IFIH1: variants seen among roughly 807,000 people sequenced by gnomAD.
IFIH1 encodes the protein interferon-induced helicase C domain-containing protein 1.
IFIH1 carries 125 observed loss-of-function variants against 107.4 expected under a neutral mutation model. The ratio of observed to expected loss-of-function variants is 1.16; its 90% confidence interval spans 1.01 to 1.35. The LOEUF (loss-of-function observed/expected upper bound fraction) is 1.35. Ranked by LOEUF, IFIH1 falls within the 40% of genes most tolerant of loss-of-function variation. The pLI, the probability that IFIH1 is intolerant of heterozygous loss-of-function variation, is 0.00. For missense variants in IFIH1, 1,333 were observed against 1,213.7 expected (o/e 1.10, Z -1.46); for synonymous variants, 458 against 413.2 (o/e 1.11, Z -1.31).
At chr2:162,290,275 A>T (rs1408888836) in intron 4 of IFIH1, among the ~76,000 whole-genome samples, 2 of 151,842 alleles carry the variant, frequency 1.3e-5, no homozygotes, top group African/African-American at 4.8e-5. Flanking sequence ...TTTTAATAAT[A>T]ATTTCCCCCA....
chr2:162,281,735 C>T (rs1031321563), intron 6 of IFIH1, among the ~76,000 whole-genome samples, 190 bp from the exon 7 acceptor site: 2 of 151,962 alleles, frequency 1.3e-5, no homozygotes, highest in Non-Finnish European at 2.9e-5. Context: ...TTCGTATATA[C>T]TAATCATGAA....
In IFIH1 at chr2:162,272,394, A is replaced by G; in HGVS notation, c.2455-7T>C. 1 of 1,609,314 alleles carries G rather than the reference A, an allele frequency of 6.2e-7. No individual in the cohort carries two copies. The highest frequency in any genetic ancestry group is 1.1e-5 in the South Asian group (1 of 90,686). ...CTCTGGCTCGACCACGGGCCTGAAAACACAAATAAATCAAGTAAATGAAAG... is the reference window on the plus strand; with the variant it reads ...CTCTGGCTCGACCACGGGCCTGAAAGCACAAATAAATCAAGTAAATGAAAG... On this transcript the variant is annotated splice_polypyrimidine_tract_variant and splice_region_variant and intron_variant, in intron 12 of 15. Transcript: ENST00000649979.
intron 6 of IFIH1, 87 bp downstream of exon 6, chr2:162,282,279 C>A: frequency 1.2e-6 from 1 of 817,598 alleles, no homozygotes; most frequent in Non-Finnish European, 1.9e-6. Flanking sequence ...ATTTAAGCCA[C>A]GAACATTTAA....
intron 13 of IFIH1, among the ~76,000 whole-genome samples, chr2:162,272,017 T>C (rs1301755430): frequency 6.6e-6 from 1 of 152,192 alleles, no homozygotes; most frequent in Non-Finnish European, 1.5e-5. Flanking sequence ...TGGTTGGTTT[T>C]ACTGGAATGA....
At chr2:162,297,026 G>C (rs16846585) in intron 3 of IFIH1, among the ~76,000 whole-genome samples, 19,177 of 151,768 alleles carry the variant, frequency 0.13, 2,814 homozygotes, top group African/African-American at 0.33. Context: ...ATACGTTTTT[G>C]CTTTCATAGA....
At chr2:162,309,982 C>T (rs1216971166) in intron 2 of IFIH1, among the ~76,000 whole-genome samples, 1 of 152,138 alleles carries the variant, frequency 6.6e-6, no homozygotes, top group Non-Finnish European at 1.5e-5. Flanking sequence ...ACCAGAATCA[C>T]CCTGAACACC....
At position 162,268,307 on chromosome 2, in the gene IFIH1, T is replaced by C. The variant is rs759739807; in HGVS notation, c.2617-30A>G. Reference sequence around the variant, plus strand: ...ACAGAGAAAGGAATAGTTAGTGGTTTCAGGTTTGTTTTCTTTTTTCAGTTT... The same window carrying C: ...ACAGAGAAAGGAATAGTTAGTGGTTCCAGGTTTGTTTTCTTTTTTCAGTTT... On this transcript the variant is annotated intron_variant, in intron 13 of 15. Transcript: ENST00000649979. The C allele has an allele frequency of 2.7e-6, 4 of 1,472,584 alleles. No individual in the cohort carries two copies. In the Admixed American group the frequency reaches 5.9e-5, roughly 22 times the overall value. The allele number at this position is 1,472,584 out of a possible 1,614,324, so 91.2% of individuals were successfully genotyped here.
At position 162,317,995 on chromosome 2, in the gene IFIH1, G is replaced by A; in HGVS notation, c.313C>T (p.Pro105Ser). The part of the protein sequence containing the change: ...MNPELTDLPS[P>S]SFENAHDEYL... ...TCATCATGAGCGTTCTCAAACGATGGAGAGGGCAAGTCCGTGAGCTCAGGG... is the reference window on the plus strand; with the variant it reads ...TCATCATGAGCGTTCTCAAACGATGAAGAGGGCAAGTCCGTGAGCTCAGGG... The change falls in exon 1 of 16, where the codon CCA (proline) becomes TCA (serine). Residue 105 changes from proline (P) to serine (S), a missense_variant. Coordinates refer to ENST00000649979, the MANE Select transcript of IFIH1 (RefSeq NM_022168.4). The A allele has an allele frequency of 3.1e-6, 5 of 1,614,172 alleles. No homozygotes were observed. The highest frequency in any genetic ancestry group is 2.2e-5 in the South Asian group (2 of 91,084).
At chr2:162,294,730 A>G (rs1052509512) in intron 3 of IFIH1, among the ~76,000 whole-genome samples, 54 of 151,986 alleles carry the variant, frequency 3.6e-4, no homozygotes, top group African/African-American at 1.2e-3. Context: ...GTTCCATTAG[A>G]TAATGTTCTT....
At position 162,314,423 on chromosome 2, in the gene IFIH1, T is replaced by TC. The variant is rs1253629196; in HGVS notation, c.453+3431dup. On this transcript the variant is annotated intron_variant, in intron 1 of 15. Coordinates refer to ENST00000649979, the MANE Select transcript of IFIH1 (RefSeq NM_022168.4). ...CCTTTCTTTCTTTCTTTCTTTTCTT[T>TC]CTTTCTTTCTTTCTTTCTTTCTTTC... 4.9e-4 allele frequency among the ~76,000 whole-genome samples: 42 copies of TC among 86,526 alleles called. 2 individuals are homozygous for TC. Among genetic ancestry groups the TC allele is most frequent in the East Asian group, 1.5e-3 (4 of 2,662 alleles). The allele number at this position is 86,526 out of a possible 152,430, so 56.8% of individuals were successfully genotyped here.
chr2:162,275,312 G>A (rs548642166), intron 11 of IFIH1, among the ~76,000 whole-genome samples: 1 of 152,292 alleles, frequency 6.6e-6, no homozygotes, highest in South Asian at 2.1e-4. Flanking sequence ...TTACAGAGAA[G>A]CTTAGCCCTC....
rs573061508 is a variant in IFIH1 at position 162,281,740 on chromosome 2, C to T, written c.1307-195G>A. ...CACACAGACGTTCGTATATACTAATCATGAAACTCCCTGTTAGACATTCTC... is the reference window on the plus strand; with the variant it reads ...CACACAGACGTTCGTATATACTAATTATGAAACTCCCTGTTAGACATTCTC... On this transcript the variant is annotated intron_variant, in intron 6 of 15. Transcript: ENST00000649979. Among the ~76,000 whole-genome samples the T allele has an allele frequency of 3.9e-5, 6 of 152,096 alleles. No homozygotes were observed. In the South Asian group the frequency reaches 1.2e-3, roughly 32 times the overall value.
chr2:162,282,330 A>T, intron 6 of IFIH1, 36 bp downstream of exon 6: 1 of 1,331,282 alleles, frequency 7.5e-7, no homozygotes, highest in Non-Finnish European at 1.0e-6. Context: ...CAATATTACT[A>T]TTAATTTTTT....
Position 162,281,361 on chromosome 2 carries a change from CG to C in IFIH1, c.1490del (p.Thr497ArgfsTer11), listed in dbSNP as rs781305209. 15 of 1,612,346 alleles carry C rather than the reference CG, an allele frequency of 9.3e-6. No homozygotes were observed. Among genetic ancestry groups the C allele is most frequent in the Non-Finnish European group, 6.8e-6 (8 of 1,179,024 alleles). Reference protein sequence around the residue: ...LTASPGVGGATKQAKAEEHIL... With the variant: ...LTASPGVGGAXKQAKAEEHIL... ...TGTGTTCTTCAGCTTTGGCTTGCTTCGTGGCCCCTCCAACACCAGGTGAAGC... is the reference window on the plus strand; with the variant it reads ...TGTGTTCTTCAGCTTTGGCTTGCTTCTGGCCCCTCCAACACCAGGTGAAGC... On this transcript the variant is annotated frameshift_variant, in exon 7 of 16. Transcript: ENST00000649979. LOFTEE classifies it high-confidence loss of function.
At chr2:162,294,814 GAGGTAGCTCTT>G (rs1235109042) in intron 3 of IFIH1, among the ~76,000 whole-genome samples, 1 of 151,712 alleles carries the variant, frequency 6.6e-6, no homozygotes, top group African/African-American at 2.4e-5. Context: ...ACACACCAAT[GAGGTAGCTCTT>G]AGCTATTTAA....
chr2:162,276,238 T>C (rs1691152305), intron 11 of IFIH1, among the ~76,000 whole-genome samples: 1 of 152,172 alleles, frequency 6.6e-6, no homozygotes, highest in Non-Finnish European at 1.5e-5. Flanking sequence ...CCTGTAAATG[T>C]ATTCATGGGT....
rs1357861285 is a variant in IFIH1 at position 162,314,412 on chromosome 2, TTTCTTTTC to T, written c.453+3435_453+3442del. On this transcript the variant is annotated intron_variant, in intron 1 of 15. Transcript: ENST00000649979. ...CCTCCCTCCCTCCTTTCTTTCTTTC[TTTCTTTTC>T]TTTCTTTCTTTCTTTCTTTCTTTCT... Among the ~76,000 whole-genome samples the T allele has an allele frequency of 7.0e-4, 48 of 68,936 alleles. 1 individual carries two copies. The highest frequency in any genetic ancestry group is 4.3e-3 in the African/African-American group (42 of 9,680). The allele number at this position is 68,936 out of a possible 152,430, so 45.2% of individuals were successfully genotyped here. A position where few individuals can be genotyped will look rare whatever the true frequency, so the allele number is the denominator to read the frequency against.
At chr2:162,314,399 C>CTT (rs1683437973) in intron 1 of IFIH1, among the ~76,000 whole-genome samples, 1 of 56,762 alleles carries the variant, frequency 1.8e-5, no homozygotes. Flanking sequence ...TCCCTCCCTC[C>CTT]TTTCTTTCTT....
At chr2:162,303,209 G>A (rs1409883133) in intron 3 of IFIH1, among the ~76,000 whole-genome samples, 1 of 152,136 alleles carries the variant, frequency 6.6e-6, no homozygotes, top group African/African-American at 2.4e-5. Context: ...CTGCCTCTTG[G>A]GTTCAAGTGA....
Sources: allele counts gnomAD v4.1 joint callset (sites outside exome capture counted in the v4.1 genomes callset), GRCh38; gene constraint gnomAD v4.1.1; transcripts MANE v1.5; gene names NCBI Gene and HGNC (gene_info 2026-07-23, HGNC 2026-07-21).